The following RDH12 variants were observed in gnomAD, a reference collection of about 807,000 sequenced individuals.
The protein encoded by RDH12 is all-trans and 9-cis retinol dehydrogenase.
RDH12 carries 21 observed loss-of-function variants against 34.0 expected under a neutral mutation model. The observed-to-expected ratio is 0.62, with a 90% CI of 0.44 to 0.89. RDH12 has a LOEUF of 0.89. RDH12 is among the 40% of genes least tolerant of loss of function. The pLI is 0.00. For synonymous variants in RDH12, 198 were observed against 169.9 expected (o/e 1.17, Z -1.29); for missense variants, 394 against 398.6 (o/e 0.99, Z 0.10).
intron 2 of RDH12, among the ~76,000 whole-genome samples, chr14:67,722,086 C>T (rs1019352666): frequency 6.6e-6 from 1 of 152,152 alleles, no homozygotes; most frequent in Non-Finnish European, 1.5e-5. Flanking sequence ...CTCAGCCCTC[C>T]AGGAGTTCCA....
At chr14:67,721,593 C>T (rs1490424164) in intron 2 of RDH12, among the ~76,000 whole-genome samples, 1 of 152,050 alleles carries the variant, frequency 6.6e-6, no homozygotes, top group Non-Finnish European at 1.5e-5. Context: ...CTTTTCTACA[C>T]CATGGCCTTG....
rs2038134245 is a variant in RDH12 at position 67,722,424 on chromosome 14, G to A, written c.-219G>A. ...CTTGACTCCATCCCCTCCCCACCAG[G>A]ACTACATCTCCCAGCAGGCTGTGCT... On this transcript the variant is annotated splice_region_variant and 5_prime_UTR_variant, in exon 3 of 9. Transcript: ENST00000551171. 6.4e-6 allele frequency: 4 copies of A among 622,264 alleles called. No individual in the cohort carries two copies. Among genetic ancestry groups the A allele is most frequent in the Non-Finnish European group, 1.2e-5 (4 of 346,074 alleles). The allele number at this position is 622,264 out of a possible 1,614,324, so 38.5% of individuals were successfully genotyped here. A position where few individuals can be genotyped will look rare whatever the true frequency, so the allele number is the denominator to read the frequency against.
chr14:67,704,930 A>C (rs1594857873), intron 1 of RDH12, among the ~76,000 whole-genome samples: 1 of 152,262 alleles, frequency 6.6e-6, no homozygotes, highest in Non-Finnish European at 1.5e-5. Flanking sequence ...ATCTAAGTCC[A>C]GGAACACAAT....
Position 67,722,592 on chromosome 14 carries a change from G to T in RDH12, c.-51G>T. 1 of 1,517,736 alleles carries T rather than the reference G, an allele frequency of 6.6e-7. No individual in the cohort carries two copies. The highest frequency in any genetic ancestry group is 9.2e-7 in the Non-Finnish European group (1 of 1,092,168). 94.0% of individuals were successfully genotyped at this position (1,517,736 alleles called of 1,614,324 possible). On this transcript the variant is annotated 5_prime_UTR_variant, in exon 3 of 9. Transcript: ENST00000551171. ...ACCAGGAACCTGAGCCAGAGCTGGG[G>T]TTGAAGCTGGAGCAGCAGCAAAAGC...
In RDH12 at chr14:67,701,944, C is replaced by T. The variant is rs1334767619; in HGVS notation, c.-275+9C>T. 6.6e-6 allele frequency: 1 copy of T among 152,098 alleles called. No individual in the cohort carries two copies. The highest frequency in any genetic ancestry group is 2.4e-5 in the African/African-American group (1 of 41,400). The allele number at this position is 152,098 out of a possible 1,614,324, so 9.4% of individuals were successfully genotyped here. ...AGTGGCCAGGACTACAGGTAAGTGC[C>T]ACCATGCCAGACTAATTTTCAAAAT... On this transcript the variant is annotated intron_variant, in intron 1 of 8. Transcript: ENST00000551171.
At chr14:67,714,320 A>G (rs1269358963) in intron 1 of RDH12, among the ~76,000 whole-genome samples, 1 of 151,494 alleles carries the variant, frequency 6.6e-6, no homozygotes, top group Non-Finnish European at 1.5e-5. Flanking sequence ...TCATTTTTTT[A>G]GTAGAGCTGA....
Position 67,714,215 on chromosome 14 carries a change from A to C in RDH12, c.-274-6633A>C, listed in dbSNP as rs111904214. Among the ~76,000 whole-genome samples, 798 of 152,274 alleles carry C rather than the reference A, an allele frequency of 5.2e-3. 6 individuals carry two copies. Among genetic ancestry groups the C allele is most frequent in the African/African-American group, 0.013 (539 of 41,548 alleles). On this transcript the variant is annotated intron_variant, in intron 1 of 8. Transcript: ENST00000551171. ...CAGTGGTGTGATCACAGATCCCTGCAGCCTCCACCTTCAGGGCTCAAGTTC... is the reference window on the plus strand; with the variant it reads ...CAGTGGTGTGATCACAGATCCCTGCCGCCTCCACCTTCAGGGCTCAAGTTC...
At chr14:67,706,604 C>G (rs1039461354) in intron 1 of RDH12, among the ~76,000 whole-genome samples, 2 of 152,146 alleles carry the variant, frequency 1.3e-5, no homozygotes, top group Non-Finnish European at 2.9e-5. Context: ...TTCTGTTTAG[C>G]CTTTTCAAAG....
intron 1 of RDH12, among the ~76,000 whole-genome samples, chr14:67,708,851 G>A (rs1019680270): frequency 2.0e-5 from 3 of 147,600 alleles, no homozygotes; most frequent in Non-Finnish European, 4.4e-5. Context: ...GGAGTGCAGT[G>A]GTGCAATCTT....
chr14:67,729,362 T>C lies in RDH12; in HGVS notation c.830T>C (p.Leu277Pro), dbSNP rs1442558629. 3.1e-6 allele frequency: 5 copies of C among 1,597,826 alleles called. No homozygotes were observed. The highest frequency in any genetic ancestry group is 4.2e-6 in the Non-Finnish European group (5 of 1,179,776). ...GCCCTGGCTGAGGGCCTGGAGCCCCTGAGTGGCAAGTACTTCAGGTGTGTG... is the reference window on the plus strand; with the variant it reads ...GCCCTGGCTGAGGGCCTGGAGCCCCCGAGTGGCAAGTACTTCAGGTGTGTG... ...HCALAEGLEP[L>P]SGKYFSDCKR... The change falls in exon 8 of 9, where the codon CTG (leucine) becomes CCG (proline). Residue 277 changes from leucine (L) to proline (P), a missense_variant. Leu to Pro is a moderately conservative substitution (Grantham distance 98). Transcript: ENST00000551171.
At chr14:67,713,830 C>G (rs1351201593) in intron 1 of RDH12, among the ~76,000 whole-genome samples, 1 of 152,098 alleles carries the variant, frequency 6.6e-6, no homozygotes, top group African/African-American at 2.4e-5. Flanking sequence ...TCGGTTTGGT[C>G]TGGAAAGGAG....
At position 67,724,494 on chromosome 14, in the gene RDH12, G is replaced by A; in HGVS notation, c.90G>A (p.Val30=). Residue 30 remains valine, a synonymous_variant, in exon 4 of 9, where the codon GTG becomes GTA. Transcript: ENST00000551171. The part of the protein sequence containing the change: ...PSIRKFFAGG[V]CRTNVQLPGK... ...ATAGGAAGTTCTTTGCTGGTGGAGT[G>A]TGTAGAACAAATGTGCAGCTTCCTG... 6.2e-7 allele frequency: 1 copy of A among 1,603,620 alleles called. No individual in the cohort carries two copies. The highest frequency in any genetic ancestry group is 8.5e-7 in the Non-Finnish European group (1 of 1,174,136).
intron 3 of RDH12, among the ~76,000 whole-genome samples, chr14:67,723,881 CTGTT>C (rs2038153643): frequency 6.6e-6 from 1 of 152,224 alleles, no homozygotes; most frequent in South Asian, 2.1e-4. Context: ...GGTTTTCTCT[CTGTT>C]TGCCATCGGC....
chr14:67,712,202 G>GA (rs1402954077), intron 1 of RDH12, among the ~76,000 whole-genome samples: 5 of 152,076 alleles, frequency 3.3e-5, no homozygotes, highest in African/African-American at 1.2e-4. Flanking sequence ...TTACAGGCGT[G>GA]AACCACCACA....
intron 8 of RDH12, chr14:67,729,786 C>T: frequency 2.0e-6 from 1 of 500,336 alleles, no homozygotes; most frequent in South Asian, 1.5e-5. Context: ...TCGGTGTGAA[C>T]TCTGTCCCTC....
At chr14:67,719,184 A>G (rs1451977416) in intron 1 of RDH12, among the ~76,000 whole-genome samples, 1 of 152,246 alleles carries the variant, frequency 6.6e-6, no homozygotes, top group African/African-American at 2.4e-5. Flanking sequence ...CGTACAGGCT[A>G]AAATGTTTTA....
chr14:67,709,995 C>G (rs2037992658), intron 1 of RDH12, among the ~76,000 whole-genome samples: 1 of 152,198 alleles, frequency 6.6e-6, no homozygotes, highest in Non-Finnish European at 1.5e-5. Flanking sequence ...ATCAGAAACT[C>G]AAAAGAATGT....
At chr14:67,716,212 A>G (rs1233862347) in intron 1 of RDH12, among the ~76,000 whole-genome samples, 1 of 149,838 alleles carries the variant, frequency 6.7e-6, no homozygotes, top group Non-Finnish European at 1.5e-5. Context: ...AAAAAAAAAG[A>G]AAAGAAAAAA....
rs117864964 is a variant in RDH12 at position 67,731,636 on chromosome 14, A to C, written c.849-2110A>C. ...TCATATTTTAATATAATATGTAATT[A>C]ATATAAAAATGTTAGTGATATAATG... On this transcript the variant is annotated intron_variant, in intron 8 of 8. Coordinates refer to ENST00000551171, the MANE Select transcript of RDH12 (RefSeq NM_152443.3). Among the ~76,000 whole-genome samples, 663 of 152,150 alleles carry C rather than the reference A, an allele frequency of 4.4e-3. 34 individuals carry two copies. In the East Asian group the frequency reaches 0.1, roughly 23 times the overall value.
Sources: gnomAD v4.1 joint callset for allele counts (sites outside exome capture counted in the v4.1 genomes callset) on GRCh38, gnomAD v4.1.1 for gene constraint, MANE v1.5 for transcripts, NCBI Gene and HGNC (gene_info 2026-07-23, HGNC 2026-07-21) for gene names.